PPHLN1: variants seen among roughly 807,000 people sequenced by gnomAD.
PPHLN1 encodes the protein periphilin-1.
PPHLN1 carries 29 observed loss-of-function variants against 51.3 expected under a neutral mutation model. The observed-to-expected ratio is 0.57, with a 90% CI of 0.42 to 0.77. The LOEUF is 0.77. Ranked by LOEUF, PPHLN1 falls within the 30% of genes least tolerant of loss-of-function variation. The pLI is 0.00. For synonymous variants in PPHLN1, 147 were observed against 147.8 expected (o/e 0.99, Z 0.04); for missense variants, 436 against 438.4 (o/e 0.99, Z 0.05).
intron 5 of PPHLN1, among the ~76,000 whole-genome samples, chr12:42,379,790 C>CA (rs2076608761): frequency 6.6e-6 from 1 of 151,914 alleles, no homozygotes; most frequent in Non-Finnish European, 1.5e-5. Context: ...CTCAAAATCT[C>CA]ATTTAGTGAT....
At chr12:42,355,774 T>C (rs2073985217) in intron 4 of PPHLN1, 1 of 151,826 alleles carries the variant, frequency 6.6e-6, no homozygotes, top group Non-Finnish European at 1.5e-5. Flanking sequence ...AAAAGAACTA[T>C]TGTGATTTAG....
intron 9 of PPHLN1, among the ~76,000 whole-genome samples, chr12:42,429,758 A>G (rs2081864873): frequency 6.6e-6 from 1 of 152,322 alleles, no homozygotes; most frequent in South Asian, 2.1e-4. Context: ...TCATGTCAGC[A>G]TTTGCAGATT....
intron 5 of PPHLN1, among the ~76,000 whole-genome samples, chr12:42,382,319 C>CT (rs1264227772): frequency 2.6e-5 from 4 of 152,036 alleles, no homozygotes; most frequent in Admixed American, 1.3e-4. Flanking sequence ...TTTTTATTTC[C>CT]TTTTTTTCCA....
At chr12:42,411,529 T>C (rs967215476) in intron 9 of PPHLN1, among the ~76,000 whole-genome samples, 1 of 152,070 alleles carries the variant, frequency 6.6e-6, no homozygotes, top group African/African-American at 2.4e-5. Flanking sequence ...AAAGAAACTG[T>C]TTTAAGGAAA....
chr12:42,349,357 T>C (rs1316930899), intron 2 of PPHLN1, among the ~76,000 whole-genome samples: 4 of 152,072 alleles, frequency 2.6e-5, no homozygotes, highest in African/African-American at 9.7e-5. Context: ...GGATGATAGA[T>C]AAACAGCTCT....
intron 8 of PPHLN1, among the ~76,000 whole-genome samples, chr12:42,395,277 T>G (rs1369377460): frequency 6.6e-6 from 1 of 152,096 alleles, no homozygotes; most frequent in Non-Finnish European, 1.5e-5. Flanking sequence ...GACGTGTTCT[T>G]TTGTTGGATC....
At chr12:42,446,777 C>A (rs375910991), downstream of PPHLN1, 67 of 829,102 alleles carry the variant, frequency 8.1e-5, no homozygotes, top group Middle Eastern at 1.2e-3. Flanking sequence ...TTTTCCAAAG[C>A]TTCAGGAGAG....
chr12:42,369,920 T>A (rs2075638786), intron 4 of PPHLN1, among the ~76,000 whole-genome samples: 1 of 152,226 alleles, frequency 6.6e-6, no homozygotes, highest in South Asian at 2.1e-4. Context: ...ACTCACAATC[T>A]TCTCTATCCA....
chr12:42,427,524 A>G (rs2081607200), intron 9 of PPHLN1, among the ~76,000 whole-genome samples: 2 of 152,196 alleles, frequency 1.3e-5, no homozygotes, highest in African/African-American at 4.8e-5. Context: ...TGGGGAAAGG[A>G]CACCCTATTC....
At chr12:42,348,822 T>C (rs879100447) in intron 2 of PPHLN1, among the ~76,000 whole-genome samples, 3 of 144,486 alleles carry the variant, frequency 2.1e-5, no homozygotes, top group African/African-American at 7.7e-5. Flanking sequence ...ATGTCAGTTT[T>C]TTTTTTGGGC....
chr12:42,369,468 G>A (rs1218211550), intron 4 of PPHLN1, among the ~76,000 whole-genome samples: 1 of 152,036 alleles, frequency 6.6e-6, no homozygotes, highest in African/African-American at 2.4e-5. Context: ...ACCTTTTACT[G>A]GTTTAATGGA....
chr12:42,393,057 A>G (rs2077877056), intron 7 of PPHLN1, among the ~76,000 whole-genome samples: 2 of 152,212 alleles, frequency 1.3e-5, no homozygotes, highest in Admixed American at 6.5e-5. Context: ...CAGTTAGATA[A>G]AGGAACTAGT....
At chr12:42,381,347 GT>G (rs2076742359) in intron 5 of PPHLN1, among the ~76,000 whole-genome samples, 1 of 152,176 alleles carries the variant, frequency 6.6e-6, no homozygotes, top group Non-Finnish European at 1.5e-5. Flanking sequence ...TTATATCCCT[GT>G]TTTAGGACTT....
intron 5 of PPHLN1, among the ~76,000 whole-genome samples, chr12:42,380,772 G>C (rs1042047152): frequency 6.6e-6 from 1 of 152,140 alleles, no homozygotes; most frequent in African/African-American, 2.4e-5. Flanking sequence ...TTTATCATCA[G>C]ATCATGTATA....
chr12:42,418,536 G>A (rs1057046792), intron 9 of PPHLN1, among the ~76,000 whole-genome samples: 1 of 151,902 alleles, frequency 6.6e-6, no homozygotes, highest in Admixed American at 6.6e-5. Context: ...TTTCTTTCAT[G>A]TTACCCTCAT....
intron 4 of PPHLN1, among the ~76,000 whole-genome samples, chr12:42,357,550 T>C: frequency 6.6e-6 from 1 of 152,132 alleles, no homozygotes; most frequent in East Asian, 1.9e-4. Context: ...GGGACAAACA[T>C]TTCAAAAACA....
chr12:42,438,895 C>T (rs2082704113), intron 9 of PPHLN1, among the ~76,000 whole-genome samples: 1 of 152,204 alleles, frequency 6.6e-6, no homozygotes. Context: ...AGCCACTGCG[C>T]CCGGCCCTCT....
intron 9 of PPHLN1, among the ~76,000 whole-genome samples, chr12:42,401,947 C>T (rs912290327): frequency 6.6e-6 from 1 of 152,080 alleles, no homozygotes; most frequent in African/African-American, 2.4e-5. Context: ...CACCACCCCC[C>T]AGGCTCAAGC....
chr12:42,426,948 G>A (rs887461273), intron 9 of PPHLN1, among the ~76,000 whole-genome samples: 7 of 152,170 alleles, frequency 4.6e-5, no homozygotes, highest in South Asian at 2.1e-4. Context: ...GCTGCTTCCC[G>A]CTTAGTCATT....
Sources: gnomAD v4.1 joint callset for allele counts (sites outside exome capture counted in the v4.1 genomes callset) on GRCh38, gnomAD v4.1.1 for gene constraint, MANE v1.5 for transcripts, NCBI Gene and HGNC (gene_info 2026-07-23, HGNC 2026-07-21) for gene names.